The following SORL1 variants were observed in gnomAD, a reference collection of about 807,000 sequenced individuals.
SORL1 encodes sortilin-related receptor.
In SORL1, 127 loss-of-function variants were observed where a neutral mutation model predicts 273.7. The ratio of observed to expected loss-of-function variants is 0.46; its 90% CI spans 0.40 to 0.54. The LOEUF (loss-of-function observed/expected upper bound fraction) is 0.54, where lower values mean the gene tolerates loss of function less well. Among genes scored for constraint, SORL1 ranks in the 20% least tolerant of loss-of-function variants. SORL1 has a pLI of 0.00. For missense variants in SORL1, 2,494 were observed against 2,846.1 expected (o/e 0.88, Z 2.81); for synonymous variants, 1,031 against 1,067.4 (o/e 0.97, Z 0.66).
At chr11:121,535,646 G>A (rs1049902790) in intron 12 of SORL1, among the ~76,000 whole-genome samples, 2 of 151,680 alleles carry the variant, frequency 1.3e-5, no homozygotes, top group Non-Finnish European at 2.9e-5. Context: ...AGCAATTGAA[G>A]CATTGCTCAA....
intron 20 of SORL1, among the ~76,000 whole-genome samples, chr11:121,559,217 C>G (rs1862637067): frequency 6.6e-6 from 1 of 152,188 alleles, no homozygotes; most frequent in African/African-American, 2.4e-5. Flanking sequence ...TCTTTTTCGA[C>G]TCTGGAGAGC....
intron 18 of SORL1, among the ~76,000 whole-genome samples, chr11:121,556,690 C>A (rs1466209790): frequency 6.6e-6 from 1 of 152,038 alleles, no homozygotes; most frequent in Non-Finnish European, 1.5e-5. Context: ...CCAGGTGGGT[C>A]AGAAGAGTTA....
At position 121,595,263 on chromosome 11, in the gene SORL1, T is replaced by C. The variant is rs989534128; in HGVS notation, c.4370-360T>C. 1.3e-5 allele frequency among the ~76,000 whole-genome samples: 2 copies of C among 152,220 alleles called. No homozygotes were observed. The highest frequency in any genetic ancestry group is 2.9e-5 in the Non-Finnish European group (2 of 68,032). On this transcript the variant is annotated intron_variant, in intron 31 of 47. Transcript: ENST00000260197. This position sits in a 1 kb window ranked among gnomAD's most constrained non-coding sequence, Gnocchi z 5.1. ...TGAACTTTTGGAGGACTGTGTGTTGTTGATCTGATTGGTTCTGAGCTTTCT... is the reference window on the plus strand; with the variant it reads ...TGAACTTTTGGAGGACTGTGTGTTGCTGATCTGATTGGTTCTGAGCTTTCT...
At chr11:121,617,445 TG>T (rs1365367973) in intron 41 of SORL1, among the ~76,000 whole-genome samples, 1 of 152,224 alleles carries the variant, frequency 6.6e-6, no homozygotes, top group Non-Finnish European at 1.5e-5. Context: ...ATTTATGGTT[TG>T]TAGGACATGA....
intron 18 of SORL1, among the ~76,000 whole-genome samples, chr11:121,555,931 G>A (rs1047313000): frequency 4.6e-5 from 7 of 152,178 alleles, no homozygotes; most frequent in African/African-American, 1.7e-4. Flanking sequence ...TACTGACTCT[G>A]CATGGAGAGA....
At position 121,550,727 on chromosome 11, in the gene SORL1, C is replaced by G; in HGVS notation, c.2266+57C>G. ...TTGAGACATGGTTGAAGCAGTATCA[C>G]GATCTCACCCAAGTCCGGGCTTGTG... On this transcript the variant is annotated intron_variant, in intron 16 of 47. Transcript: ENST00000260197. This position sits in a 1 kb window ranked among gnomAD's most constrained non-coding sequence, Gnocchi z 5.3. The G allele has an allele frequency of 7.2e-7, 1 of 1,391,252 alleles. No individual in the cohort carries two copies. The highest frequency in any genetic ancestry group is 1.2e-5 in the South Asian group (1 of 81,964). 86.2% of individuals were successfully genotyped at this position (1,391,252 alleles called of 1,614,324 possible).
At chr11:121,517,076 G>A (rs963421431) in intron 8 of SORL1, among the ~76,000 whole-genome samples, 1 of 152,022 alleles carries the variant, frequency 6.6e-6, no homozygotes, top group Non-Finnish European at 1.5e-5. Flanking sequence ...ATTTATTGAG[G>A]TGAAATGTAT....
Position 121,591,374 on chromosome 11 carries a change from C to G in SORL1, c.4369+218C>G, listed in dbSNP as rs915735424. Among the ~76,000 whole-genome samples, 5 of 152,202 alleles carry G rather than the reference C, an allele frequency of 3.3e-5. No homozygotes were observed. In the East Asian group the frequency reaches 9.6e-4, roughly 29 times the overall value. On this transcript the variant is annotated intron_variant, in intron 31 of 47. Transcript: ENST00000260197. ...GATGCATAGGAAATTGGAATGGGAGCATCTCATCCTCTATAACTGGCCTCT... is the reference window on the plus strand; with the variant it reads ...GATGCATAGGAAATTGGAATGGGAGGATCTCATCCTCTATAACTGGCCTCT...
At position 121,612,806 on chromosome 11, in the gene SORL1, T is replaced by C. The variant is rs752061613; in HGVS notation, c.5393T>C (p.Phe1798Ser). ...AAGCAAGAGAGGAGAACTTTGAACT[T>C]CCGAGGAAGCATATTGTCACACAAA... The part of the protein sequence containing the change: ...THKQERRTLN[F>S]RGSILSHKVG... The change falls in exon 40 of 48, where the codon TTC (phenylalanine) becomes TCC (serine). Residue 1798 changes from phenylalanine (F) to serine (S), a missense_variant. This residue lies in a region of SORL1 where 1,609 missense variants were observed against 1,816.4 expected (regional missense o/e 0.89). Coordinates refer to ENST00000260197, the MANE Select transcript of SORL1 (RefSeq NM_003105.6). 5 of 1,613,950 alleles carry C rather than the reference T, an allele frequency of 3.1e-6. No individual in the cohort carries two copies. The South Asian group carries it at 5.5e-5, about 18-fold the overall frequency.
At chr11:121,574,965 C>T (rs548549526) in intron 24 of SORL1, among the ~76,000 whole-genome samples, 27 of 151,768 alleles carry the variant, frequency 1.8e-4, no homozygotes, top group Admixed American at 1.0e-3. Flanking sequence ...TTTTTTTAAC[C>T]AATTTAATTC....
intron 13 of SORL1, among the ~76,000 whole-genome samples, chr11:121,544,156 G>T (rs975559657): frequency 1.3e-5 from 2 of 152,130 alleles, no homozygotes; most frequent in Non-Finnish European, 2.9e-5. Flanking sequence ...GATACAGGAT[G>T]CATAAGTATG....
chr11:121,587,874 T>G, intron 27 of SORL1, 146 bp from the exon 28 acceptor site: 1 of 833,308 alleles, frequency 1.2e-6, no homozygotes, highest in Non-Finnish European at 1.9e-6. Flanking sequence ...AGCTCTAGGC[T>G]TGGCAGAAAA....
chr11:121,538,052 G>A lies in SORL1; in HGVS notation c.1686-5496G>A, dbSNP rs922663859. On this transcript the variant is annotated intron_variant, in intron 12 of 47. Coordinates refer to ENST00000260197, the MANE Select transcript of SORL1 (RefSeq NM_003105.6). ...GCCTTAAAATGTGGTACCTGGATCT[G>A]GCCCCAATAGCCTGAAACATGCAGA... Among the ~76,000 whole-genome samples, 7 of 152,242 alleles carry A rather than the reference G, an allele frequency of 4.6e-5. No individual in the cohort carries two copies. In the East Asian group the frequency reaches 1.2e-3, roughly 25 times the overall value.
At position 121,632,194 on chromosome 11, in the gene SORL1, T is replaced by C. The variant is rs914355400; in HGVS notation, c.*2631T>C. ...TTAGAATGTCAGATGCTTGCATCCA[T>C]GTGGACCACGATGGGCCTCTAAAAA... On this transcript the variant is annotated 3_prime_UTR_variant, in exon 48 of 48. Coordinates refer to ENST00000260197, the MANE Select transcript of SORL1 (RefSeq NM_003105.6). The C allele has an allele frequency of 1.3e-5, 2 of 152,232 alleles. No homozygotes were observed. The highest frequency in any genetic ancestry group is 4.8e-5 in the African/African-American group (2 of 41,454). The allele number at this position is 152,232 out of a possible 1,614,324, so 9.4% of individuals were successfully genotyped here.
chr11:121,556,733 A>G (rs544399596), intron 18 of SORL1, among the ~76,000 whole-genome samples: 2 of 152,272 alleles, frequency 1.3e-5, no homozygotes, highest in South Asian at 4.1e-4. Flanking sequence ...TGAGGTTTGA[A>G]GGAGAGTTAT....
chr11:121,547,417 C>CAAAAAAAAAAAAAAAA lies in SORL1; in HGVS notation c.2051+2001_2051+2016dup, dbSNP rs67390938. On this transcript the variant is annotated intron_variant, in intron 14 of 47. Transcript: ENST00000260197. The stretch of plus-strand genomic sequence containing the variant: ...TGCCCTACATTTCCCCAACCCTCAC[C>CAAAAAAAAAAAAAAAA]AAAAAAAAAAAAAAAAAAAAAAAAA... Among the ~76,000 whole-genome samples, 11 of 24,032 alleles carry CAAAAAAAAAAAAAAAA rather than the reference C, an allele frequency of 4.6e-4. 1 individual carries two copies. The highest frequency in any genetic ancestry group is 2.5e-3 in the East Asian group (2 of 810). 15.8% of individuals were successfully genotyped at this position (24,032 alleles called of 152,430 possible).
intron 14 of SORL1, among the ~76,000 whole-genome samples, chr11:121,547,440 A>G (rs1273401340): frequency 6.7e-6 from 1 of 149,028 alleles, no homozygotes; most frequent in Non-Finnish European, 1.5e-5. Context: ...AAAAAAAAAA[A>G]AAAAATCACA....
At chr11:121,564,307 G>C (rs948541891) in intron 21 of SORL1, among the ~76,000 whole-genome samples, 1 of 152,082 alleles carries the variant, frequency 6.6e-6, no homozygotes, top group Non-Finnish European at 1.5e-5. Flanking sequence ...TCCTGCCCCT[G>C]CCTACCTCTT....
At chr11:121,602,851 T>A (rs1863414623) in intron 32 of SORL1, among the ~76,000 whole-genome samples, 1 of 152,226 alleles carries the variant, frequency 6.6e-6, no homozygotes, top group African/African-American at 2.4e-5. Context: ...TAGCTTGGCC[T>A]ACGTGCAGAG....
Sources: gnomAD v4.1 joint callset for allele counts (sites outside exome capture counted in the v4.1 genomes callset) on GRCh38, gnomAD v4.1.1 for gene constraint, gnomAD v4.1.1 regional missense constraint, Gnocchi (gnomAD v3.1) non-coding constraint, MANE v1.5 for transcripts, NCBI Gene and HGNC (gene_info 2026-07-23, HGNC 2026-07-21) for gene names.